EGF: variants seen among roughly 807,000 people sequenced by gnomAD.
EGF encodes the protein pro-epidermal growth factor.
A neutral mutation model predicts 143.8 loss-of-function variants in EGF; 95 were observed. The observed-to-expected ratio is 0.66, with a 90% confidence interval of 0.56 to 0.78. The LOEUF is 0.78. EGF is among the 30% of genes least tolerant of loss of function. EGF has a pLI of 0.00. For synonymous variants in EGF, 510 were observed against 510.5 expected (o/e 1.00, Z 0.01); for missense variants, 1,320 against 1,470.9 (o/e 0.90, Z 1.68).
In EGF at chr4:109,941,164, C is replaced by A. The variant is rs1741863714; in HGVS notation, c.327+19C>A. 6.2e-7 allele frequency: 1 copy of A among 1,609,394 alleles called. No homozygotes were observed. Among genetic ancestry groups the A allele is most frequent in the African/African-American group, 1.3e-5 (1 of 74,778 alleles). ...GCAAGAGGTAAAATACCCTTACCTA[C>A]AGTGTTTGAGCTGTTTTTGTACAGG... On this transcript the variant is annotated intron_variant, in intron 2 of 23. Coordinates refer to ENST00000265171, the MANE Select transcript of EGF (RefSeq NM_001963.6).
chr4:109,938,905 G>A (rs1408619295), intron 1 of EGF, among the ~76,000 whole-genome samples: 1 of 152,144 alleles, frequency 6.6e-6, no homozygotes, highest in African/African-American at 2.4e-5. Flanking sequence ...TGTCCCAGAG[G>A]GGCACTTGCC....
intron 11 of EGF, among the ~76,000 whole-genome samples, chr4:109,970,697 C>A (rs187591721): frequency 6.6e-6 from 1 of 151,780 alleles, no homozygotes; most frequent in Non-Finnish European, 1.5e-5. Flanking sequence ...GGGTGGTGGG[C>A]GCCTGTAGTC....
intron 1 of EGF, among the ~76,000 whole-genome samples, chr4:109,929,793 T>TTC (rs1739361769): frequency 6.6e-6 from 1 of 152,184 alleles, no homozygotes. Context: ...ATCATCTGGC[T>TTC]TCTCTCTCTC....
intron 10 of EGF, among the ~76,000 whole-genome samples, chr4:109,966,253 C>T (rs561974234): frequency 7.2e-5 from 11 of 152,016 alleles, no homozygotes; most frequent in Non-Finnish European, 1.5e-4. Context: ...CTCTGTATGT[C>T]CATGTGTACC....
chr4:109,913,289 A>C lies in EGF; in HGVS notation c.-47A>C. The C allele has an allele frequency of 6.2e-7, 1 of 1,610,732 alleles. No homozygotes were observed. Among genetic ancestry groups the C allele is most frequent in the South Asian group, 1.1e-5 (1 of 90,692 alleles). On this transcript the variant is annotated 5_prime_UTR_variant, in exon 1 of 24. Transcript: ENST00000265171. ...ACTCACCTTGCCCGGGCCATGCTCCAGCAAAATCAAGCTGTTTTCTTTTGA... is the reference window on the plus strand; with the variant it reads ...ACTCACCTTGCCCGGGCCATGCTCCCGCAAAATCAAGCTGTTTTCTTTTGA...
chr4:109,982,885 A>T (rs1301473281), intron 15 of EGF, among the ~76,000 whole-genome samples: 1 of 152,158 alleles, frequency 6.6e-6, no homozygotes, highest in Non-Finnish European at 1.5e-5. Flanking sequence ...AGTTTAGAAA[A>T]CTGCTGTCTT....
intron 16 of EGF, among the ~76,000 whole-genome samples, chr4:109,985,352 T>C (rs756829230): frequency 1.1e-4 from 17 of 152,230 alleles, no homozygotes; most frequent in Non-Finnish European, 2.1e-4. Flanking sequence ...AAAGTGTCTA[T>C]GGCTAAAAGA....
intron 21 of EGF, among the ~76,000 whole-genome samples, chr4:110,002,694 T>C (rs761543773): frequency 5.9e-5 from 9 of 152,104 alleles, no homozygotes; most frequent in Non-Finnish European, 1.2e-4. Flanking sequence ...CAGGGGTATA[T>C]GTAAAGGTTT....
chr4:109,925,992 A>G (rs1431527832), intron 1 of EGF, among the ~76,000 whole-genome samples: 1 of 152,234 alleles, frequency 6.6e-6, no homozygotes. Context: ...TAGTCTCTTT[A>G]TAATACTTTG....
At chr4:110,003,585 A>G (rs192673442) in intron 21 of EGF, among the ~76,000 whole-genome samples, 1 of 152,090 alleles carries the variant, frequency 6.6e-6, no homozygotes, top group Non-Finnish European at 1.5e-5. Context: ...CCTAGAGGCA[A>G]TTAAGCTGCC....
At position 109,988,714 on chromosome 4, in the gene EGF, G is replaced by A; in HGVS notation, c.2734+5G>A. On this transcript the variant is annotated splice_donor_5th_base_variant and intron_variant, in intron 18 of 23. Transcript: ENST00000265171. ...GAGATGGGATTCACTGTCTTGGTAA[G>A]AGGACACATGTGCTGGGGAGGAGGG... 2 of 1,613,850 alleles carry A rather than the reference G, an allele frequency of 1.2e-6. No homozygotes were observed. Among genetic ancestry groups the A allele is most frequent in the Non-Finnish European group, 1.7e-6 (2 of 1,179,824 alleles).
chr4:109,970,659 T>C (rs1747440899), intron 11 of EGF, among the ~76,000 whole-genome samples: 1 of 151,984 alleles, frequency 6.6e-6, no homozygotes, highest in Admixed American at 6.6e-5. Context: ...ACCCCGTCTC[T>C]ACTAAAAATA....
intron 20 of EGF, among the ~76,000 whole-genome samples, chr4:109,998,738 G>A (rs190866508): frequency 1.8e-4 from 28 of 152,284 alleles, no homozygotes; most frequent in African/African-American, 6.7e-4. Flanking sequence ...ATGGGCACTG[G>A]TGTCAGTTCT....
At chr4:109,950,309 A>G (rs746580500) in intron 5 of EGF, among the ~76,000 whole-genome samples, 64 of 152,152 alleles carry the variant, frequency 4.2e-4, no homozygotes, top group Non-Finnish European at 1.8e-4. Flanking sequence ...CCCAAAGCGG[A>G]AACCGAGGAG....
At chr4:109,983,987 T>C (rs908620291) in intron 16 of EGF, among the ~76,000 whole-genome samples, 29 of 152,212 alleles carry the variant, frequency 1.9e-4, no homozygotes, top group African/African-American at 7.0e-4. Flanking sequence ...TGGAATTCTT[T>C]TCTTCTGTGT....
rs768479710 is a variant in EGF, at chr4:110,011,369, G to A, written c.3538G>A (p.Glu1180Lys). Reference sequence around the variant, plus strand: ...GACACAGACCCTTGAAGGGGGTGTCGAGAAGCCCCATTCTCTCCTATCAGC... The same window carrying A: ...GACACAGACCCTTGAAGGGGGTGTCAAGAAGCCCCATTCTCTCCTATCAGC... ...YGTQTLEGGV[E>K]KPHSLLSANP... The change falls in exon 24 of 24, where the codon GAG (glutamate) becomes AAG (lysine). Residue 1180 changes from glutamate (E) to lysine (K), a missense_variant. Transcript: ENST00000265171. 2.4e-5 allele frequency: 39 copies of A among 1,614,002 alleles called. No homozygotes were observed. The highest frequency in any genetic ancestry group is 2.8e-5 in the Non-Finnish European group (33 of 1,180,012).
intron 16 of EGF, among the ~76,000 whole-genome samples, chr4:109,986,192 G>A (rs1427458512): frequency 6.6e-6 from 1 of 152,126 alleles, no homozygotes; most frequent in African/African-American, 2.4e-5. Context: ...CATAACTATT[G>A]CTTTTCATTA....
intron 16 of EGF, among the ~76,000 whole-genome samples, chr4:109,986,901 G>A (rs1191122904): frequency 6.6e-6 from 1 of 152,166 alleles, no homozygotes; most frequent in Non-Finnish European, 1.5e-5. Flanking sequence ...AGGTGTGCAA[G>A]TCACTACATA....
rs4698803 is a variant in EGF at position 109,993,271 on chromosome 4, A to T, written c.2759A>T (p.Glu920Val). 1,313,822 of 1,613,468 alleles carry T rather than the reference A, an allele frequency of 0.81. 537,711 individuals carry two copies. Among genetic ancestry groups the T allele is most frequent in the East Asian group, 1 (44,824 of 44,846 alleles). ...GATATTGATGAGTGCCAACTGGGGG[A>T]GCACAGCTGTGGAGAGAATGCCAGC... is the stretch of plus-strand genomic sequence containing the variant. Reference protein sequence around the residue: ...CLDIDECQLGEHSCGENASCT... With the variant: ...CLDIDECQLGVHSCGENASCT... Residue 920 changes from glutamate to valine, a missense_variant, in exon 19 of 24, where the codon GAG becomes GTG. Around this residue, in one of 5 missense-constraint regions of EGF, gnomAD observed 1,186 missense variants for 1,313.7 expected, o/e 0.90. Transcript: ENST00000265171.
Sources: gnomAD v4.1 joint callset for allele counts (sites outside exome capture counted in the v4.1 genomes callset) on GRCh38, gnomAD v4.1.1 for gene constraint, gnomAD v4.1.1 regional missense constraint, MANE v1.5 for transcripts, NCBI Gene and HGNC (gene_info 2026-07-23, HGNC 2026-07-21) for gene names.